XXYLT1: variants seen among roughly 807,000 people sequenced by gnomAD.
XXYLT1 encodes the protein xyloside xylosyltransferase 1.
In XXYLT1, 20 loss-of-function variants were observed where a neutral mutation model predicts 28.9. The ratio of observed to expected loss-of-function variants is 0.69; its 90% confidence interval spans 0.49 to 1.00. The LOEUF is 1.00. Ranked by LOEUF, XXYLT1 falls within the 50% of genes least tolerant of loss-of-function variation. The pLI, the probability that XXYLT1 is intolerant of heterozygous loss-of-function variation, is 0.00. For synonymous variants in XXYLT1, 257 were observed against 253.8 expected, an observed-to-expected ratio of 1.01 and a Z score of -0.12; for missense variants, 542 against 560.1, an observed-to-expected ratio of 0.97 and a Z score of 0.33.
In XXYLT1 at chr3:195,129,397, G is replaced by A. The variant is rs571701019; in HGVS notation, c.785+27052C>T. On this transcript the variant is annotated intron_variant, in intron 3 of 3. Transcript: ENST00000310380. The surrounding 1 kb of genome is among the most constrained non-coding windows in gnomAD (Gnocchi z 4.4). ...AGAAATCTCGTACCCTTTAGCTATC[G>A]CTCCCCCAAAACTCCTGGACCACCT... 2.6e-4 allele frequency among the ~76,000 whole-genome samples: 39 copies of A among 152,056 alleles called. No homozygotes were observed. Among genetic ancestry groups the A allele is most frequent in the Admixed American group, 1.4e-3 (21 of 15,282 alleles).
rs1726000797 is a variant in XXYLT1, at chr3:195,270,824, C to T, written c.235G>A (p.Ala79Thr). Residue 79 changes from alanine to threonine, a missense_variant, in exon 1 of 4, where the codon GCG becomes ACG. By Grantham distance (58) the Ala-to-Thr change is moderately conservative. Coordinates refer to ENST00000310380, the MANE Select transcript of XXYLT1 (RefSeq NM_152531.5). ...TTGGCCTTCGCGCCGGGGGCTGGCGCCACGGAGCCCCGCGCTAGCTCCAGC... is the reference window on the plus strand; with the variant it reads ...TTGGCCTTCGCGCCGGGGGCTGGCGTCACGGAGCCCCGCGCTAGCTCCAGC... ...PALELARGSV[A>T]PAPGAKAKSL... 6.8e-7 allele frequency: 1 copy of T among 1,477,878 alleles called. No individual in the cohort carries two copies. Among genetic ancestry groups the T allele is most frequent in the Non-Finnish European group, 9.0e-7 (1 of 1,115,818 alleles). The allele number at this position is 1,477,878 out of a possible 1,614,324, so 91.5% of individuals were successfully genotyped here. A position where few individuals can be genotyped will look rare whatever the true frequency, so the allele number is the denominator to read the frequency against.
chr3:195,083,588 A>C (rs1298714587), intron 3 of XXYLT1, among the ~76,000 whole-genome samples: 1 of 152,202 alleles, frequency 6.6e-6, no homozygotes, highest in Non-Finnish European at 1.5e-5. Context: ...CATGCCCAGA[A>C]AAATGACGAG....
At chr3:195,137,705 C>T (rs116201584) in intron 3 of XXYLT1, among the ~76,000 whole-genome samples, 2,514 of 152,276 alleles carry the variant, frequency 0.017, 34 homozygotes, top group Non-Finnish European at 0.025. Context: ...TGGCTTGTAT[C>T]GGACACGGAG....
chr3:195,130,961 G>T (rs1718874896), intron 3 of XXYLT1, among the ~76,000 whole-genome samples: 1 of 152,184 alleles, frequency 6.6e-6, no homozygotes, highest in Admixed American at 6.5e-5. Flanking sequence ...CCAAGGGTCT[G>T]CTTAGCCTGA....
chr3:195,237,080 C>G (rs763542439), intron 1 of XXYLT1, among the ~76,000 whole-genome samples: 2 of 152,176 alleles, frequency 1.3e-5, no homozygotes, highest in Non-Finnish European at 2.9e-5. Context: ...CAAGTGCTCC[C>G]TGAGCCACCC....
At chr3:195,072,823 G>C (rs1379532851) in intron 3 of XXYLT1, among the ~76,000 whole-genome samples, 1 of 152,218 alleles carries the variant, frequency 6.6e-6, no homozygotes, top group Non-Finnish European at 1.5e-5. Flanking sequence ...TAAGGGAATG[G>C]TGGGTTTCTC....
intron 3 of XXYLT1, among the ~76,000 whole-genome samples, chr3:195,105,663 C>T (rs1008300686): frequency 1.3e-5 from 2 of 152,212 alleles, no homozygotes; most frequent in Admixed American, 6.5e-5. Context: ...TGCGCCTCCG[C>T]GTCCACTCAC....
At chr3:195,192,384 C>A (rs971657684) in intron 2 of XXYLT1, among the ~76,000 whole-genome samples, 1 of 151,066 alleles carries the variant, frequency 6.6e-6, no homozygotes, top group Non-Finnish European at 1.5e-5. Context: ...AAGATCACGC[C>A]ACTGCACTCC....
rs2108865431 is a variant in XXYLT1 at position 195,271,076 on chromosome 3, C to T, written c.-18G>A. On this transcript the variant is annotated 5_prime_UTR_variant, in exon 1 of 4. Transcript: ENST00000310380. ...AGGCCCATGCGCTACGAGACCGCGG[C>T]GCCAGCGGTGCCAGCAACGCGGGAG... 2 of 1,318,930 alleles carry T rather than the reference C, an allele frequency of 1.5e-6. No homozygotes were observed. Among genetic ancestry groups the T allele is most frequent in the Non-Finnish European group, 1.9e-6 (2 of 1,037,528 alleles). The allele number at this position is 1,318,930 out of a possible 1,614,324, so 81.7% of individuals were successfully genotyped here. A position where few individuals can be genotyped will look rare whatever the true frequency, so the allele number is the denominator to read the frequency against.
At chr3:195,205,236 A>G (rs1723020334) in intron 2 of XXYLT1, among the ~76,000 whole-genome samples, 1 of 152,272 alleles carries the variant, frequency 6.6e-6, no homozygotes, top group Non-Finnish European at 1.5e-5. Flanking sequence ...ATGCAGCTTT[A>G]TGCATACTAG....
intron 3 of XXYLT1, among the ~76,000 whole-genome samples, chr3:195,103,036 G>A (rs934887312): frequency 2.6e-5 from 4 of 152,160 alleles, no homozygotes; most frequent in South Asian, 4.1e-4. Context: ...GAGAATGACT[G>A]TTTTCTGATT....
intron 3 of XXYLT1, among the ~76,000 whole-genome samples, chr3:195,109,243 G>A (rs1033220555): frequency 4.6e-5 from 7 of 152,234 alleles, no homozygotes; most frequent in African/African-American, 1.4e-4. Context: ...AGCAGAGGCC[G>A]ACAGCCCAGC....
intron 2 of XXYLT1, among the ~76,000 whole-genome samples, chr3:195,212,350 T>A (rs1197098906): frequency 6.6e-6 from 1 of 152,192 alleles, no homozygotes; most frequent in Non-Finnish European, 1.5e-5. Flanking sequence ...GCCCACAGGC[T>A]CACAGAAACG....
At chr3:195,234,510 G>A (rs935812093) in intron 1 of XXYLT1, among the ~76,000 whole-genome samples, 4 of 151,308 alleles carry the variant, frequency 2.6e-5, no homozygotes, top group African/African-American at 9.7e-5. Flanking sequence ...GTAAAGACGG[G>A]GTTTCACCAT....
At chr3:195,085,784 CCACT>C (rs1715693426) in intron 3 of XXYLT1, 1 of 152,684 alleles carries the variant, frequency 6.5e-6, no homozygotes, top group Non-Finnish European at 1.5e-5. Context: ...GGTGACAGAG[CCACT>C]GCTCTGAGCA....
chr3:195,110,385 T>G (rs1176040474), intron 3 of XXYLT1, among the ~76,000 whole-genome samples: 5 of 104,342 alleles, frequency 4.8e-5, no homozygotes, highest in African/African-American at 1.8e-4. Flanking sequence ...TGTATAAGTG[T>G]GTGTGGTGTG....
chr3:195,263,663 C>T (rs759216141), intron 1 of XXYLT1, among the ~76,000 whole-genome samples: 48 of 152,232 alleles, frequency 3.2e-4, no homozygotes, highest in Non-Finnish European at 4.3e-4. Flanking sequence ...TACCCAGTCT[C>T]GGGTATTGTT....
At chr3:195,088,191 A>C (rs1366117264) in intron 3 of XXYLT1, among the ~76,000 whole-genome samples, 2 of 151,502 alleles carry the variant, frequency 1.3e-5, no homozygotes, top group Non-Finnish European at 2.9e-5. Context: ...CCACAGCTCA[A>C]GGAGGCCTGC....
At chr3:195,112,610 C>T (rs551524478) in intron 3 of XXYLT1, among the ~76,000 whole-genome samples, 23 of 95,200 alleles carry the variant, frequency 2.4e-4, no homozygotes, top group African/African-American at 6.2e-4. Context: ...TGCACACACA[C>T]GCACACATGT....
Sources: allele counts gnomAD v4.1 joint callset (sites outside exome capture counted in the v4.1 genomes callset), GRCh38; gene constraint gnomAD v4.1.1; non-coding constraint Gnocchi (gnomAD v3.1); transcripts MANE v1.5; gene names NCBI Gene and HGNC (gene_info 2026-07-23, HGNC 2026-07-21).